SV2C: variants seen among roughly 807,000 people sequenced by gnomAD.
The protein encoded by SV2C is solute carrier family 22 member B3.
Under a neutral mutation model 79.7 loss-of-function variants are expected in SV2C, and 49 were observed. That is an observed-to-expected ratio of 0.61 (90% confidence interval 0.49 to 0.78). SV2C has a LOEUF of 0.78. Among genes scored for constraint, SV2C ranks in the 30% least tolerant of loss-of-function variants. The probability of loss-of-function intolerance (pLI) is 0.00; values close to 1 mark genes in which losing one functional copy is unlikely to be tolerated. For synonymous variants in SV2C, 334 were observed against 333.2 expected (o/e 1.00, Z -0.03); for missense variants, 833 against 912.9 (o/e 0.91, Z 1.13).
At chr5:76,046,527 T>A in the SV2C span, among the ~76,000 whole-genome samples, 1 of 152,142 alleles carries the variant, frequency 6.6e-6, no homozygotes, top group East Asian at 1.9e-4. Flanking sequence ...TGTGTAAAGG[T>A]CTTACTATCT....
the SV2C span, among the ~76,000 whole-genome samples, chr5:75,981,010 C>A: frequency 0.26 from 38,834 of 152,094 alleles, 6,195 homozygotes; most frequent in Non-Finnish European, 0.37. Flanking sequence ...ACAACTTCAG[C>A]AAAGTCTCAG....
Position 76,129,025 on chromosome 5 carries a change from A to G in SV2C, c.-101-2625A>G, listed in dbSNP as rs567511612. Reference sequence around the variant, plus strand: ...GGGAGATAATAGCCATAGAATTATAACTCTGCCCCTGAACAGTCTGCCCCC... The same window carrying G: ...GGGAGATAATAGCCATAGAATTATAGCTCTGCCCCTGAACAGTCTGCCCCC... On this transcript the variant is annotated intron_variant, in intron 1 of 12. Transcript: ENST00000502798. 8.5e-5 allele frequency among the ~76,000 whole-genome samples: 13 copies of G among 152,196 alleles called. No homozygotes were observed. The East Asian group carries it at 2.3e-3, about 27-fold the overall frequency.
the SV2C span, among the ~76,000 whole-genome samples, chr5:75,925,258 A>T: frequency 0.015 from 2,272 of 152,290 alleles, 54 homozygotes; most frequent in African/African-American, 0.052. Flanking sequence ...CTCAGCACAG[A>T]GGCACTTGAG....
At position 76,285,289 on chromosome 5, in the gene SV2C, G is replaced by T; in HGVS notation, c.1041G>T (p.Leu347Phe). 1.9e-6 allele frequency: 3 copies of T among 1,614,104 alleles called. No homozygotes were observed. Among genetic ancestry groups the T allele is most frequent in the Non-Finnish European group, 2.5e-6 (3 of 1,180,010 alleles). The stretch of plus-strand genomic sequence containing the variant: ...TCATGCCTGAAAGCCCACGATTCTT[G>T]TTGGAGGTAACACTTATTATTGCAG... ...LTFMPESPRF[L>F]LEVGKHDEAW... The change falls in exon 5 of 13, where the codon TTG becomes TTT. Residue 347 changes from leucine to phenylalanine, a missense_variant. Leu to Phe is a conservative substitution (Grantham distance 22). Coordinates refer to ENST00000502798, the MANE Select transcript of SV2C (RefSeq NM_014979.4).
chr5:76,136,864 G>T (rs567571736), intron 2 of SV2C, among the ~76,000 whole-genome samples: 1 of 152,206 alleles, frequency 6.6e-6, no homozygotes, highest in Admixed American at 6.5e-5. Flanking sequence ...TGTGGTAGGC[G>T]TAGTAGTGTT....
chr5:75,908,567 C>T, the SV2C span, among the ~76,000 whole-genome samples: 7 of 152,292 alleles, frequency 4.6e-5, no homozygotes, highest in South Asian at 1.0e-3. Context: ...GTTGAACTAC[C>T]TGTAAGTCAC....
intron 12 of SV2C, among the ~76,000 whole-genome samples, chr5:76,316,685 A>G (rs1195877303): frequency 6.6e-6 from 1 of 152,012 alleles, no homozygotes; most frequent in Non-Finnish European, 1.5e-5. Context: ...ACCATGAGGG[A>G]AGTTAGGGAG....
chr5:75,925,350 A>G, the SV2C span, among the ~76,000 whole-genome samples: 6 of 152,248 alleles, frequency 3.9e-5, no homozygotes, highest in Non-Finnish European at 8.8e-5. Flanking sequence ...CCTTGGCCCC[A>G]GTGTGTAAAC....
upstream of SV2C, among the ~76,000 whole-genome samples, chr5:76,080,692 C>T (rs1580249350): frequency 6.6e-6 from 1 of 152,178 alleles, no homozygotes; most frequent in Non-Finnish European, 1.5e-5. Context: ...TTTAGCATCA[C>T]AAGACGACAC....
the SV2C span, among the ~76,000 whole-genome samples, chr5:75,969,700 T>A: frequency 6.6e-6 from 1 of 152,090 alleles, no homozygotes; most frequent in Non-Finnish European, 1.5e-5. Context: ...ACAAAGAGAC[T>A]TAGACTCCCA....
chr5:76,225,270 T>C, intron 4 of SV2C, among the ~76,000 whole-genome samples: 1 of 152,246 alleles, frequency 6.6e-6, no homozygotes, highest in South Asian at 2.1e-4. Flanking sequence ...TGATCTTTTA[T>C]GTAACACTGA....
At chr5:76,257,387 G>A (rs966629429) in intron 4 of SV2C, among the ~76,000 whole-genome samples, 2 of 151,184 alleles carry the variant, frequency 1.3e-5, no homozygotes, top group South Asian at 2.1e-4. Flanking sequence ...TGGGGGGTGC[G>A]TGTAGTATGT....
At chr5:76,098,896 C>T (rs2112113599) in intron 1 of SV2C, among the ~76,000 whole-genome samples, 1 of 152,154 alleles carries the variant, frequency 6.6e-6, no homozygotes, top group South Asian at 2.1e-4. Flanking sequence ...ACCTGCTGGC[C>T]CTAGAAGTTG....
At chr5:75,998,844 C>A in the SV2C span, among the ~76,000 whole-genome samples, 5 of 152,056 alleles carry the variant, frequency 3.3e-5, no homozygotes, top group South Asian at 2.1e-4. Flanking sequence ...CTCTCTCTCT[C>A]TATTGTATAT....
intron 1 of SV2C, among the ~76,000 whole-genome samples, chr5:76,117,713 T>A (rs950719511): frequency 4.6e-5 from 7 of 151,452 alleles, no homozygotes; most frequent in African/African-American, 1.5e-4. Context: ...GTTATTTATT[T>A]AAAAAAAAAT....
chr5:76,171,751 A>G, intron 2 of SV2C, among the ~76,000 whole-genome samples: 1 of 124,932 alleles, frequency 8.0e-6, no homozygotes, highest in East Asian at 3.1e-4. Flanking sequence ...GCCGTCCGGG[A>G]GGGAGGTGGG....
chr5:75,859,988 G>C, the SV2C span, among the ~76,000 whole-genome samples: 1 of 152,230 alleles, frequency 6.6e-6, no homozygotes, highest in African/African-American at 2.4e-5. Context: ...CCCTGAGCAA[G>C]CCTCCGAAGC....
intron 2 of SV2C, among the ~76,000 whole-genome samples, chr5:76,135,094 T>C (rs1208988835): frequency 2.0e-5 from 3 of 152,176 alleles, no homozygotes; most frequent in African/African-American, 7.2e-5. Context: ...AGGAATGGAT[T>C]TCAGAGCTAC....
intron 4 of SV2C, among the ~76,000 whole-genome samples, chr5:76,214,037 G>A (rs574335596): frequency 6.6e-6 from 1 of 152,266 alleles, no homozygotes; most frequent in African/African-American, 2.4e-5. Flanking sequence ...GTTACAAAGG[G>A]AAGGATTTCT....
Sources: gnomAD v4.1 joint callset for allele counts (sites outside exome capture counted in the v4.1 genomes callset) on GRCh38, gnomAD v4.1.1 for gene constraint, MANE v1.5 for transcripts, NCBI Gene and HGNC (gene_info 2026-07-23, HGNC 2026-07-21) for gene names.